COQ5: variants seen among roughly 807,000 people sequenced by gnomAD.
The protein encoded by COQ5 is 2-methoxy-6-polyprenyl-1,4-benzoquinol methylase, mitochondrial.
In COQ5, 27 loss-of-function variants were observed where a neutral mutation model predicts 40.5. That is an observed-to-expected ratio of 0.67 (90% CI 0.49 to 0.92). The LOEUF is 0.92. COQ5 is among the 40% of genes least tolerant of loss of function. The probability of loss-of-function intolerance (pLI) is 0.00; values close to 1 mark genes in which losing one functional copy is unlikely to be tolerated. For missense variants in COQ5, 409 were observed against 406.4 expected, an observed-to-expected ratio of 1.01 and a Z score of -0.06; for synonymous variants, 141 against 150.0, an observed-to-expected ratio of 0.94 and a Z score of 0.44.
intron 1 of COQ5, chr12:120,526,666 G>T (rs1332419306): frequency 4.1e-6 from 1 of 246,708 alleles, no homozygotes; most frequent in African/African-American, 2.5e-5. Flanking sequence ...ACGACAAGAA[G>T]GTGGCAAATA....
At chr12:120,518,426 CAAAAAAA>C (rs1216184668) in intron 2 of COQ5, among the ~76,000 whole-genome samples, 11 of 71,478 alleles carry the variant, frequency 1.5e-4, no homozygotes, top group Non-Finnish European at 2.1e-4. Context: ...AGACCGTTTC[CAAAAAAA>C]AAAAAAAAAA....
At chr12:120,519,284 C>A (rs1414893747) in intron 2 of COQ5, among the ~76,000 whole-genome samples, 1 of 152,132 alleles carries the variant, frequency 6.6e-6, no homozygotes, top group Non-Finnish European at 1.5e-5. Context: ...TGAGGCCAGG[C>A]GGAGTGGGTC....
chr12:120,522,025 C>T (rs971153534), intron 2 of COQ5, among the ~76,000 whole-genome samples, 189 bp downstream of exon 2: 5 of 151,940 alleles, frequency 3.3e-5, no homozygotes, highest in African/African-American at 7.2e-5. Context: ...AGGCACAAAA[C>T]TGTTATTCTA....
intron 3 of COQ5, among the ~76,000 whole-genome samples, chr12:120,515,460 G>A (rs1363256660): frequency 6.6e-6 from 1 of 152,206 alleles, no homozygotes; most frequent in African/African-American, 2.4e-5. Context: ...AGATAGGCAT[G>A]CAGTCATCTG....
intron 3 of COQ5, among the ~76,000 whole-genome samples, chr12:120,511,177 A>C (rs901391291): frequency 6.6e-6 from 1 of 151,018 alleles, no homozygotes; most frequent in African/African-American, 2.4e-5. Flanking sequence ...GAATTGCTTG[A>C]ATTCGGGAGG....
At chr12:120,523,586 T>G (rs1249018109) in intron 1 of COQ5, 1 of 184,708 alleles carries the variant, frequency 5.4e-6, no homozygotes, top group Admixed American at 6.2e-5. Context: ...TTATTATTAC[T>G]TAGGACTACT....
intron 2 of COQ5, among the ~76,000 whole-genome samples, chr12:120,521,380 T>C (rs1360492718): frequency 6.6e-6 from 1 of 151,986 alleles, no homozygotes; most frequent in East Asian, 1.9e-4. Context: ...CTGTGTATTT[T>C]AGAAATGTGA....
intron 2 of COQ5, among the ~76,000 whole-genome samples, chr12:120,520,487 G>A (rs1017493613): frequency 1.3e-5 from 2 of 151,824 alleles, no homozygotes; most frequent in Admixed American, 6.6e-5. Flanking sequence ...CACCACAACC[G>A]ACCAATTTTT....
In COQ5 at chr12:120,509,832, T is replaced by C. The variant is rs1448603488; in HGVS notation, c.681+185A>G. ...GTGGGTTCCTGTAAGGTTCCTGTAA[T>C]CCCAGCTACTTGGGAGGCAGATGTG... On this transcript the variant is annotated intron_variant, in intron 4 of 6. Coordinates refer to ENST00000288532, the MANE Select transcript of COQ5 (RefSeq NM_032314.4). 8.1e-6 allele frequency: 5 copies of C among 616,856 alleles called. No individual in the cohort carries two copies. In the East Asian group the frequency reaches 1.5e-4, roughly 18 times the overall value. 38.2% of individuals were successfully genotyped at this position (616,856 alleles called of 1,614,324 possible). A position where few individuals can be genotyped will look rare whatever the true frequency, so the allele number is the denominator to read the frequency against.
At chr12:120,520,659 C>CG (rs1317428363) in intron 2 of COQ5, among the ~76,000 whole-genome samples, 2 of 151,934 alleles carry the variant, frequency 1.3e-5, no homozygotes, top group African/African-American at 4.8e-5. Context: ...TTAGTAGAGA[C>CG]GGGGTTTCAC....
intron 1 of COQ5, among the ~76,000 whole-genome samples, chr12:120,525,716 A>C (rs1869903982): frequency 6.6e-6 from 1 of 151,990 alleles, no homozygotes; most frequent in Non-Finnish European, 1.5e-5. Flanking sequence ...CGAGGTCCAG[A>C]GATCGAGACC....
At chr12:120,503,910 AG>A (rs1343646221) in intron 6 of COQ5, 25 bp from the exon 7 acceptor site, 1 of 1,605,632 alleles carries the variant, frequency 6.2e-7, no homozygotes, top group African/African-American at 1.3e-5. Flanking sequence ...AAGATGATAA[AG>A]CCAGGGTAGC....
chr12:120,504,559 A>ATTTTT, intron 5 of COQ5: 2 of 264,512 alleles, frequency 7.6e-6, no homozygotes. Context: ...AAATTTCCTG[A>ATTTTT]TTTTTTTTTT....
In COQ5 at chr12:120,504,010, T is replaced by A. The variant is rs753415413; in HGVS notation, c.842A>T (p.Tyr281Phe). Residue 281 changes from tyrosine (Y) to phenylalanine (F), a missense_variant, in exon 6 of 7, where the codon TAT (tyrosine) becomes TTT (phenylalanine). Tyr to Phe is a conservative substitution (Grantham distance 22, BLOSUM62 3). Transcript: ENST00000288532. ...GEVIAGDWKS[Y>F]QYLVESIRRF... Reference sequence around the variant, plus strand: ...TCGGATACTCTCTACAAGGTACTGATAGGACTTCCAGTCTCCAGCGATGAC... The same window carrying A: ...TCGGATACTCTCTACAAGGTACTGAAAGGACTTCCAGTCTCCAGCGATGAC... The A allele has an allele frequency of 9.9e-6, 16 of 1,613,656 alleles. No homozygotes were observed. The East Asian group carries it at 3.1e-4, about 31-fold the overall frequency.
chr12:120,517,211 G>T (rs894659717), intron 2 of COQ5, among the ~76,000 whole-genome samples: 1 of 151,826 alleles, frequency 6.6e-6, no homozygotes, highest in African/African-American at 2.4e-5. Flanking sequence ...AATTAGCCAG[G>T]TGTGGTGGCA....
intron 2 of COQ5, among the ~76,000 whole-genome samples, chr12:120,519,870 C>CAAAAAA (rs1176340696): frequency 2.4e-4 from 24 of 99,178 alleles, no homozygotes; most frequent in African/African-American, 8.8e-4. Flanking sequence ...GACTTGGACT[C>CAAAAAA]AAAAAAAAAA....
At position 120,503,804 on chromosome 12, in the gene COQ5, G is replaced by C. The variant is rs114305778; in HGVS notation, c.964C>G (p.His322Asp). Residue 322 changes from histidine to aspartate, a missense_variant, in exon 7 of 7, where the codon CAT (histidine) becomes GAT (aspartate). His to Asp is a moderately conservative substitution (Grantham distance 81). Transcript: ENST00000288532. ...AGGAATTAAAGTTTGAAGCCAGAATGAATGGCCACAATGCCTGATGTTAGA... is the reference window on the plus strand; with the variant it reads ...AGGAATTAAAGTTTGAAGCCAGAATCAATGGCCACAATGCCTGATGTTAGA... ...ESLTSGIVAIHSGFKL is the reference protein window; with the variant it reads ...ESLTSGIVAIDSGFKL The C allele has an allele frequency of 2.9e-5, 47 of 1,613,770 alleles. No individual in the cohort carries two copies. The highest frequency in any genetic ancestry group is 5.3e-5 in the African/African-American group (4 of 75,048).
intron 4 of COQ5, among the ~76,000 whole-genome samples, chr12:120,505,544 G>GC (rs985824635): frequency 6.6e-6 from 1 of 151,294 alleles, no homozygotes; most frequent in African/African-American, 2.4e-5. Context: ...CTGCCACCAC[G>GC]CCCCGCTAAT....
At chr12:120,518,651 G>A (rs1300640523) in intron 2 of COQ5, among the ~76,000 whole-genome samples, 1 of 150,664 alleles carries the variant, frequency 6.6e-6, no homozygotes, top group African/African-American at 2.4e-5. Context: ...TGCAACCTCC[G>A]CTTCCCAGGT....
Sources: allele counts gnomAD v4.1 joint callset (sites outside exome capture counted in the v4.1 genomes callset), GRCh38; gene constraint gnomAD v4.1.1; transcripts MANE v1.5; gene names NCBI Gene and HGNC (gene_info 2026-07-23, HGNC 2026-07-21).